The following DDX27 variants were observed in gnomAD, a reference collection of about 807,000 sequenced individuals.
DDX27 encodes DEAD-box helicase 27, also known as probable ATP-dependent RNA helicase DDX27.
In DDX27, 42 loss-of-function variants were observed where a neutral mutation model predicts 99.3. The ratio of observed to expected loss-of-function variants is 0.42; its 90% CI spans 0.33 to 0.55. DDX27 has a LOEUF of 0.55. DDX27 is among the 20% of genes least tolerant of loss of function. The pLI is 0.07. For missense variants in DDX27, 798 were observed against 976.8 expected (o/e 0.82, Z 2.44); for synonymous variants, 329 against 353.8 (o/e 0.93, Z 0.79).
Position 49,242,179 on chromosome 20 carries a change from C to T in DDX27, c.2089C>T (p.Pro697Ser), listed in dbSNP as rs996876530. The T allele has an allele frequency of 2.5e-6, 4 of 1,614,106 alleles. No individual in the cohort carries two copies. Among genetic ancestry groups the T allele is most frequent in the Non-Finnish European group, 3.4e-6 (4 of 1,179,976 alleles). Residue 697 changes from proline to serine, a missense_variant, in exon 18 of 21, where the codon CCC becomes TCC. Pro to Ser is a moderately conservative substitution (Grantham distance 74). This residue lies in a region of DDX27 where 553 missense variants were observed against 727.9 expected (regional missense o/e 0.76). Transcript: ENST00000618172. The stretch of plus-strand genomic sequence containing the variant: ...CAGAGCCAAGCGGGCCCGAGCAATG[C>T]CCGAGGAGGAGCCAGTGAGAGGTCC... ...NRRAKRARAM[P>S]EEEPVRGPAK...
chr20:49,229,441 G>A (rs1396832218), intron 8 of DDX27, among the ~76,000 whole-genome samples: 1 of 152,090 alleles, frequency 6.6e-6, no homozygotes, highest in Non-Finnish European at 1.5e-5. Context: ...GAACAAATTT[G>A]GGGTATAATT....
At chr20:49,239,388 G>A in intron 16 of DDX27, 50 bp downstream of exon 16, 1 of 1,373,802 alleles carries the variant, frequency 7.3e-7, no homozygotes, top group Non-Finnish European at 1.0e-6. Context: ...TACCCCACAG[G>A]ACTCAGCAGT....
Position 49,243,675 on chromosome 20 carries a change from CGAG to C in DDX27, c.2257_2259del (p.Gly753del). 6.2e-7 allele frequency: 1 copy of C among 1,614,114 alleles called. No individual in the cohort carries two copies. The highest frequency in any genetic ancestry group is 8.5e-7 in the Non-Finnish European group (1 of 1,180,024). On this transcript the variant is annotated inframe_deletion, in exon 20 of 21. Coordinates refer to ENST00000618172, the MANE Select transcript of DDX27 (RefSeq NM_017895.8). ...ACAGTTGGGCTTGCCCCACCAGAGA[CGAG>C]GAGGAAACTTTAAATCTAAATCCAG...
Position 49,219,494 on chromosome 20 carries a change from G to A in DDX27, c.46G>A (p.Glu16Lys). 1 of 1,614,124 alleles carries A rather than the reference G, an allele frequency of 6.2e-7. No individual in the cohort carries two copies. Among genetic ancestry groups the A allele is most frequent in the Non-Finnish European group, 8.5e-7 (1 of 1,180,006 alleles). Residue 16 changes from glutamate (E) to lysine (K), a missense_variant, in exon 1 of 21, where the codon GAG becomes AAG. Transcript: ENST00000618172. ...GLIGTIGEDDEVPVEPESDSG... is the reference protein window; with the variant it reads ...GLIGTIGEDDKVPVEPESDSG... Reference sequence around the variant, plus strand: ...AATCGGAACCATAGGCGAGGATGACGAGGTGCCGGTGGAGCCCGAGTCTGA... The same window carrying A: ...AATCGGAACCATAGGCGAGGATGACAAGGTGCCGGTGGAGCCCGAGTCTGA...
Position 49,233,597 on chromosome 20 carries a change from G to C in DDX27, c.1161G>C (p.Lys387Asn). 1 of 1,613,786 alleles carries C rather than the reference G, an allele frequency of 6.2e-7. No individual in the cohort carries two copies. Among genetic ancestry groups the C allele is most frequent in the Non-Finnish European group, 8.5e-7 (1 of 1,179,748 alleles). The change falls in exon 11 of 21, where the codon AAG becomes AAC. Residue 387 changes from lysine (K) to asparagine (N), a missense_variant. This residue lies in a region of DDX27 where 553 missense variants were observed against 727.9 expected (regional missense o/e 0.76). Coordinates refer to ENST00000618172, the MANE Select transcript of DDX27 (RefSeq NM_017895.8). The stretch of plus-strand genomic sequence containing the variant: ...AAGATCTGGCTTCTGTCTCCTTGAA[G>C]AATCCTGTCCGGATATTTGTGAACA... ...EVKDLASVSLKNPVRIFVNSN... is the reference protein window; with the variant it reads ...EVKDLASVSLNNPVRIFVNSN...
chr20:49,235,658 C>T (rs1286836005), intron 12 of DDX27: 1 of 155,570 alleles, frequency 6.4e-6, no homozygotes, highest in Non-Finnish European at 1.4e-5. Context: ...ATGCTGTTAG[C>T]AGATACAGAA....
chr20:49,237,055 T>C (rs1980331778), intron 14 of DDX27, among the ~76,000 whole-genome samples: 1 of 152,174 alleles, frequency 6.6e-6, no homozygotes, highest in South Asian at 2.1e-4. Flanking sequence ...ATATTTAGCC[T>C]GAGCATGGTA....
chr20:49,220,720 C>T (rs910343934), intron 1 of DDX27, among the ~76,000 whole-genome samples: 6 of 152,234 alleles, frequency 3.9e-5, no homozygotes, highest in South Asian at 2.1e-4. Context: ...AGCCAGGCCC[C>T]TGTACAGTGC....
intron 4 of DDX27, among the ~76,000 whole-genome samples, chr20:49,224,380 G>A (rs1201278991): frequency 2.2e-5 from 1 of 46,490 alleles, no homozygotes; most frequent in African/African-American, 7.7e-5. Context: ...TTTTTTTTTT[G>A]AGATGGAGTC....
intron 8 of DDX27, among the ~76,000 whole-genome samples, chr20:49,229,969 T>C (rs111252912): frequency 3.0e-4 from 46 of 152,340 alleles, no homozygotes; most frequent in African/African-American, 1.1e-3. Context: ...TCTTCTGAAG[T>C]GCTTTTGTGT....
Position 49,221,968 on chromosome 20 carries a change from CTGTT to C in DDX27, c.240+377_240+380del, listed in dbSNP as rs2146704804. ...AAGCTACCACAGATGTCATTGTCATCTGTTTGTTTGCCAAGATCCCATGCCTTTC... is the reference window on the plus strand; with the variant it reads ...AAGCTACCACAGATGTCATTGTCATCTGTTTGCCAAGATCCCATGCCTTTC... On this transcript the variant is annotated intron_variant, in intron 2 of 20. Transcript: ENST00000618172. Among the ~76,000 whole-genome samples, 2 of 152,142 alleles carry C rather than the reference CTGTT, an allele frequency of 1.3e-5. 1 individual carries two copies. The highest frequency in any genetic ancestry group is 4.2e-4 in the South Asian group (2 of 4,816).
chr20:49,239,087 G>A (rs1231721569), intron 15 of DDX27, 32 bp downstream of exon 15: 4 of 1,584,868 alleles, frequency 2.5e-6, no homozygotes, highest in South Asian at 1.1e-5. Context: ...TTGTTCACAA[G>A]GCTGCTCAGT....
intron 7 of DDX27, among the ~76,000 whole-genome samples, chr20:49,227,587 G>T (rs551635369): frequency 1.1e-4 from 16 of 152,120 alleles, no homozygotes; most frequent in African/African-American, 3.6e-4. Flanking sequence ...GGCTGGTCTC[G>T]AATTCCTGAC....
At chr20:49,242,930 C>T (rs1345309722) in intron 19 of DDX27, among the ~76,000 whole-genome samples, 1 of 152,052 alleles carries the variant, frequency 6.6e-6, no homozygotes, top group Non-Finnish European at 1.5e-5. Context: ...CCATGTTTGC[C>T]AGGATGGTCT....
intron 9 of DDX27, among the ~76,000 whole-genome samples, chr20:49,232,461 C>G (rs1980144084): frequency 6.6e-6 from 1 of 152,000 alleles, no homozygotes; most frequent in South Asian, 2.1e-4. Context: ...GAAACCCCAT[C>G]TCTACTAAAA....
At position 49,223,341 on chromosome 20, in the gene DDX27, A is replaced by T; in HGVS notation, c.374A>T (p.Glu125Val). The change falls in exon 4 of 21, where the codon GAA becomes GTA. Residue 125 changes from glutamate (E) to valine (V), a missense_variant. This residue lies in a region of DDX27 where 245 missense variants were observed against 248.8 expected (regional missense o/e 0.98). Coordinates refer to ENST00000618172, the MANE Select transcript of DDX27 (RefSeq NM_017895.8). ...AKEGSEPKEQ[E>V]DLQENDEEGS... ...GAAGGCTCTGAACCAAAGGAGCAGG[A>T]AGACCTTCAAGAGAATGATGAGGAA... 1 of 1,614,130 alleles carries T rather than the reference A, an allele frequency of 6.2e-7. No individual in the cohort carries two copies. The highest frequency in any genetic ancestry group is 8.5e-7 in the Non-Finnish European group (1 of 1,180,020).
chr20:49,231,497 G>A (rs1980109016), intron 9 of DDX27, among the ~76,000 whole-genome samples: 1 of 152,166 alleles, frequency 6.6e-6, no homozygotes, highest in African/African-American at 2.4e-5. Flanking sequence ...GACCAAAAAA[G>A]GCGGAGGAAG....
intron 6 of DDX27, 34 bp from the exon 7 acceptor site, chr20:49,226,396 T>C: frequency 6.3e-7 from 1 of 1,580,168 alleles, no homozygotes; most frequent in Non-Finnish European, 8.7e-7. Flanking sequence ...CTTCCCCCGC[T>C]CAACCCTGTC....
intron 6 of DDX27, among the ~76,000 whole-genome samples, chr20:49,225,667 G>C (rs1388154710): frequency 1.3e-5 from 2 of 151,992 alleles, no homozygotes; most frequent in Non-Finnish European, 2.9e-5. Flanking sequence ...GTGTTAGCCA[G>C]GATGGTCTCG....
Sources: gnomAD v4.1 joint callset for allele counts (sites outside exome capture counted in the v4.1 genomes callset) on GRCh38, gnomAD v4.1.1 for gene constraint, gnomAD v4.1.1 regional missense constraint, MANE v1.5 for transcripts, NCBI Gene and HGNC (gene_info 2026-07-23, HGNC 2026-07-21) for gene names.